Variants in TATDN2 observed in about 807,000 individuals in gnomAD.
The protein encoded by TATDN2 is 3'-5' RNA nuclease TATDN2.
TATDN2 carries 44 observed loss-of-function variants against 60.3 expected under a neutral mutation model. The observed-to-expected ratio is 0.73, with a 90% CI of 0.57 to 0.94. The LOEUF (loss-of-function observed/expected upper bound fraction) is 0.94, where lower values mean the gene tolerates loss of function less well. Ranked by LOEUF, TATDN2 falls within the 40% of genes least tolerant of loss-of-function variation. The probability of loss-of-function intolerance (pLI) is 0.00; values close to 1 mark genes in which losing one functional copy is unlikely to be tolerated. For synonymous variants in TATDN2, 399 were observed against 355.8 expected (o/e 1.12, Z -1.37); for missense variants, 997 against 948.0 (o/e 1.05, Z -0.68).
rs1379398806 is a variant in TATDN2, at chr3:10,278,588, A to G, written c.2145+126A>G. ...CCAGGTCCCATCCTGGGCTGTGTAGATGCCTCCTTGCTGTTACTCTGCAGA... is the reference window on the plus strand; with the variant it reads ...CCAGGTCCCATCCTGGGCTGTGTAGGTGCCTCCTTGCTGTTACTCTGCAGA... On this transcript the variant is annotated intron_variant, in intron 6 of 7. Coordinates refer to ENST00000448281, the MANE Select transcript of TATDN2 (RefSeq NM_014760.4). This position sits in a 1 kb window ranked among gnomAD's most constrained non-coding sequence, Gnocchi z 4.7. The G allele has an allele frequency of 4.6e-6, 6 of 1,310,914 alleles. No homozygotes were observed. Among genetic ancestry groups the G allele is most frequent in the Non-Finnish European group, 5.5e-6 (5 of 915,690 alleles). 81.2% of individuals were successfully genotyped at this position (1,310,914 alleles called of 1,614,324 possible). A position where few individuals can be genotyped will look rare whatever the true frequency, so the allele number is the denominator to read the frequency against.
At chr3:10,254,980 T>TC (rs747443004) in intron 2 of TATDN2, among the ~76,000 whole-genome samples, 1 of 141,948 alleles carries the variant, frequency 7.0e-6, no homozygotes, top group East Asian at 2.2e-4. Flanking sequence ...TCTCTTTTTT[T>TC]CCCCCTTCCC....
intron 4 of TATDN2, among the ~76,000 whole-genome samples, chr3:10,275,880 C>T (rs963510780): frequency 3.9e-5 from 6 of 152,218 alleles, no homozygotes; most frequent in East Asian, 1.9e-4. Context: ...ACAAACACCA[C>T]GCCCTGCCGT....
chr3:10,273,374 T>C (rs1698593461), intron 4 of TATDN2, among the ~76,000 whole-genome samples: 1 of 152,218 alleles, frequency 6.6e-6, no homozygotes, highest in Admixed American at 6.5e-5. Context: ...TAGTTGGATG[T>C]CAGTGCTGAG....
chr3:10,275,230 T>C (rs1698618042), intron 4 of TATDN2, among the ~76,000 whole-genome samples: 1 of 152,068 alleles, frequency 6.6e-6, no homozygotes, highest in Admixed American at 6.6e-5. Flanking sequence ...AAACCCGACT[T>C]GGCCTCCCAA....
chr3:10,263,695 A>C lies in TATDN2; in HGVS notation c.948+3025A>C, dbSNP rs571946483. 2.0e-5 allele frequency among the ~76,000 whole-genome samples: 3 copies of C among 151,938 alleles called. No homozygotes were observed. In the East Asian group the frequency reaches 5.8e-4, roughly 29 times the overall value. On this transcript the variant is annotated intron_variant, in intron 3 of 7. Transcript: ENST00000448281. ...CATGGTAGTTTTTTGGCTTGGTTTT[A>C]GTTTTCTTTAAGTTGCTTCTTTCCG...
chr3:10,258,770 G>A (rs764574229), intron 2 of TATDN2, among the ~76,000 whole-genome samples: 1 of 151,868 alleles, frequency 6.6e-6, no homozygotes, highest in Non-Finnish European at 1.5e-5. Context: ...GCTCCCAGCC[G>A]AGCCTAAGTC....
At chr3:10,276,305 G>C (rs1388203225) in intron 4 of TATDN2, 56 bp from the exon 5 acceptor site, 1 of 1,601,380 alleles carries the variant, frequency 6.2e-7, no homozygotes, top group Non-Finnish European at 8.5e-7. Context: ...TTCCAGAGGT[G>C]ATGGACTTCT....
chr3:10,257,105 C>T (rs1698318324), intron 2 of TATDN2, among the ~76,000 whole-genome samples: 1 of 137,608 alleles, frequency 7.3e-6, no homozygotes, highest in Admixed American at 7.1e-5. Flanking sequence ...GGTGAAACCC[C>T]ATCTCTACTA....
chr3:10,278,488 A>C lies in TATDN2; in HGVS notation c.2145+26A>C. On this transcript the variant is annotated intron_variant, in intron 6 of 7. Transcript: ENST00000448281. This position sits in a 1 kb window ranked among gnomAD's most constrained non-coding sequence, Gnocchi z 4.7. Reference sequence around the variant, plus strand: ...GTAAGGGGGTCTTCAGGCTGAGTGGAGGCACCGGAGGGAGAGGGTGGGGAG... The same window carrying C: ...GTAAGGGGGTCTTCAGGCTGAGTGGCGGCACCGGAGGGAGAGGGTGGGGAG... 1 of 1,581,410 alleles carries C rather than the reference A, an allele frequency of 6.3e-7. No individual in the cohort carries two copies.
intron 4 of TATDN2, among the ~76,000 whole-genome samples, chr3:10,274,504 G>A (rs940231399): frequency 1.3e-5 from 2 of 152,178 alleles, no homozygotes; most frequent in Admixed American, 1.3e-4. Flanking sequence ...CTATCCTAAA[G>A]CTCTAATAGT....
At chr3:10,257,297 T>C (rs1344199965) in intron 2 of TATDN2, among the ~76,000 whole-genome samples, 2 of 145,342 alleles carry the variant, frequency 1.4e-5, no homozygotes, top group Non-Finnish European at 3.0e-5. Context: ...AAAAAAATTA[T>C]ATATATATAT....
intron 4 of TATDN2, among the ~76,000 whole-genome samples, chr3:10,274,987 T>G (rs914783518): frequency 1.4e-5 from 2 of 143,804 alleles, no homozygotes; most frequent in Non-Finnish European, 3.1e-5. Flanking sequence ...TATAATGAAT[T>G]AATTTTTTTT....
chr3:10,271,075 T>G, intron 4 of TATDN2, 60 bp downstream of exon 4: 1 of 1,495,186 alleles, frequency 6.7e-7, no homozygotes, highest in Non-Finnish European at 8.8e-7. Context: ...TGTTGAAGCC[T>G]GACAATAAGG....
chr3:10,253,498 T>C (rs773228901), intron 2 of TATDN2, among the ~76,000 whole-genome samples: 13 of 152,242 alleles, frequency 8.5e-5, no homozygotes, highest in Admixed American at 6.5e-5. Context: ...TGGAGATGTT[T>C]CATGTTAGCT....
At chr3:10,252,147 C>CAA (rs35469402) in intron 2 of TATDN2, among the ~76,000 whole-genome samples, 4,180 of 62,466 alleles carry the variant, frequency 0.067, 333 homozygotes, top group African/African-American at 0.18. Context: ...GACTCAGTCT[C>CAA]AAAAAAAAAA....
At position 10,258,562 on chromosome 3, in the gene TATDN2, C is replaced by G. The variant is rs531216181; in HGVS notation, c.415-1575C>G. ...CTTGCCTCACTGCAACCTCTGCCTT[C>G]CGATTCAAGCGATTCTTTGCCTCAG... is the stretch of plus-strand genomic sequence containing the variant. On this transcript the variant is annotated intron_variant, in intron 2 of 7. Coordinates refer to ENST00000448281, the MANE Select transcript of TATDN2 (RefSeq NM_014760.4). 7.2e-5 allele frequency among the ~76,000 whole-genome samples: 11 copies of G among 151,860 alleles called. No homozygotes were observed. In the East Asian group the frequency reaches 2.1e-3, roughly 29 times the overall value.
chr3:10,250,114 C>T (rs1698199104), intron 2 of TATDN2, among the ~76,000 whole-genome samples: 3 of 150,836 alleles, frequency 2.0e-5, no homozygotes, highest in African/African-American at 7.3e-5. Context: ...CTTGGTGTAG[C>T]TTTTCTCCAA....
rs570508188 is a variant in TATDN2, at chr3:10,261,020, C to G, written c.948+350C>G. ...TACTGGTACCTTTTGTCTTGATTCTCTATCACCCCTCAACACAGTGTCCAT... is the reference window on the plus strand; with the variant it reads ...TACTGGTACCTTTTGTCTTGATTCTGTATCACCCCTCAACACAGTGTCCAT... On this transcript the variant is annotated intron_variant, in intron 3 of 7. Coordinates refer to ENST00000448281, the MANE Select transcript of TATDN2 (RefSeq NM_014760.4). 2.6e-5 allele frequency among the ~76,000 whole-genome samples: 4 copies of G among 152,282 alleles called. No homozygotes were observed. The South Asian group carries it at 8.3e-4, about 32-fold the overall frequency.
At chr3:10,272,374 A>G (rs372184630) in intron 4 of TATDN2, among the ~76,000 whole-genome samples, 1 of 152,030 alleles carries the variant, frequency 6.6e-6, no homozygotes, top group African/African-American at 2.4e-5. Context: ...CCCCAGTTCA[A>G]GTGATTCTCC....
Sources: gnomAD v4.1 joint callset for allele counts (sites outside exome capture counted in the v4.1 genomes callset) on GRCh38, gnomAD v4.1.1 for gene constraint, Gnocchi (gnomAD v3.1) non-coding constraint, MANE v1.5 for transcripts, NCBI Gene and HGNC (gene_info 2026-07-23, HGNC 2026-07-21) for gene names.